C10orf62: variants seen among roughly 807,000 people sequenced by gnomAD.
The protein encoded by C10orf62 is chromosome 10 open reading frame 62.
For missense variants in C10orf62, 279 were observed against 281.9 expected (o/e 0.99, Z 0.07); for synonymous variants, 94 against 109.7 (o/e 0.86, Z 0.89).
rs1326783871 is a variant in C10orf62 at position 97,589,762 on chromosome 10, C to T, written c.-136C>T. On this transcript the variant is annotated 5_prime_UTR_variant, in exon 1 of 1. Transcript: ENST00000370640. ...CCTGCCCTTTCAAGCATGAATCATA[C>T]CACCAGAGATCACCCAGCGTGCTCT... is the stretch of plus-strand genomic sequence containing the variant. The T allele has an allele frequency of 2.8e-6, 2 of 708,334 alleles. No homozygotes were observed. Among genetic ancestry groups the T allele is most frequent in the East Asian group, 2.5e-5 (1 of 40,420 alleles). 43.9% of individuals were successfully genotyped at this position (708,334 alleles called of 1,614,324 possible). A position where few individuals can be genotyped will look rare whatever the true frequency, so the allele number is the denominator to read the frequency against.
Position 97,590,300 on chromosome 10 carries a change from G to T in C10orf62, c.403G>T (p.Asp135Tyr). 6.2e-7 allele frequency: 1 copy of T among 1,613,790 alleles called. No homozygotes were observed. The highest frequency in any genetic ancestry group is 8.5e-7 in the Non-Finnish European group (1 of 1,179,998). Residue 135 changes from aspartate (D) to tyrosine (Y), a missense_variant, in exon 1 of 1, where the codon GAC becomes TAC. Physicochemically the swap from Asp to Tyr is radical, Grantham distance 160. Transcript: ENST00000370640. The part of the protein sequence containing the change: ...AAVAACTKEI[D>Y]TQGRHLAHSM... ...TGTGGCTGCCTGCACCAAGGAGATT[G>T]ACACCCAGGGGCGGCACCTGGCTCA...
chr10:97,590,747 A>C lies in C10orf62; in HGVS notation c.*178A>C. 1.5e-6 allele frequency: 1 copy of C among 645,780 alleles called. No homozygotes were observed. Among genetic ancestry groups the C allele is most frequent in the Non-Finnish European group, 2.7e-6 (1 of 366,446 alleles). 40.0% of individuals were successfully genotyped at this position (645,780 alleles called of 1,614,324 possible). A position where few individuals can be genotyped will look rare whatever the true frequency, so the allele number is the denominator to read the frequency against. On this transcript the variant is annotated 3_prime_UTR_variant, in exon 1 of 1. Coordinates refer to ENST00000370640, the MANE Select transcript of C10orf62 (RefSeq NM_001009997.3). ...CCTCACGGGGATTATGGGCTCTTTA[A>C]ACTCCATGAGTGGGGTCTGCCACAG...
rs758692283 is a variant in C10orf62, at chr10:97,590,326, C to A, written c.429C>A (p.His143Gln). 3 of 1,613,964 alleles carry A rather than the reference C, an allele frequency of 1.9e-6. No individual in the cohort carries two copies. The South Asian group carries it at 3.3e-5, about 18-fold the overall frequency. ...ACACCCAGGGGCGGCACCTGGCTCACTCCATGCTGCAGCGGGCCATAGCTT... is the reference window on the plus strand; with the variant it reads ...ACACCCAGGGGCGGCACCTGGCTCAATCCATGCTGCAGCGGGCCATAGCTT... Reference protein sequence around the residue: ...EIDTQGRHLAHSMLQRAIAYQ... With the variant: ...EIDTQGRHLAQSMLQRAIAYQ... The change falls in exon 1 of 1, where the codon CAC (histidine) becomes CAA (glutamine). Residue 143 changes from histidine to glutamine, a missense_variant. Physicochemically the swap from His to Gln is conservative, Grantham distance 24. Transcript: ENST00000370640.
Position 97,590,243 on chromosome 10 carries a change from G to T in C10orf62, c.346G>T (p.Ala116Ser), listed in dbSNP as rs368370225. The T allele has an allele frequency of 1.3e-4, 204 of 1,613,672 alleles. No individual in the cohort carries two copies. The highest frequency in any genetic ancestry group is 1.6e-4 in the Non-Finnish European group (193 of 1,180,018). The change falls in exon 1 of 1, where the codon GCC (alanine) becomes TCC (serine). Residue 116 changes from alanine (A) to serine (S), a missense_variant. Transcript: ENST00000370640. ...IQEIHQESGK[A>S]PSTDEATWAA... ...AGAGATCCACCAGGAGTCTGGAAAA[G>T]CCCCATCCACTGATGAGGCCACGTG... is the stretch of plus-strand genomic sequence containing the variant.
Position 97,589,775 on chromosome 10 carries a change from C to T in C10orf62, c.-123C>T, listed in dbSNP as rs2135714636. On this transcript the variant is annotated 5_prime_UTR_variant, in exon 1 of 1. Coordinates refer to ENST00000370640, the MANE Select transcript of C10orf62 (RefSeq NM_001009997.3). ...GCATGAATCATACCACCAGAGATCA[C>T]CCAGCGTGCTCTTAGCTCTGCCTGC... 3 of 734,448 alleles carry T rather than the reference C, an allele frequency of 4.1e-6. No individual in the cohort carries two copies. The highest frequency in any genetic ancestry group is 2.5e-5 in the East Asian group (1 of 40,644). The allele number at this position is 734,448 out of a possible 1,614,324, so 45.5% of individuals were successfully genotyped here.
Position 97,590,562 on chromosome 10 carries a change from G to A in C10orf62, c.665G>A (p.Arg222Lys), listed in dbSNP as rs1046645098. Residue 222 changes from arginine (R) to lysine (K), a missense_variant, in exon 1 of 1, where the codon AGA becomes AAA. Transcript: ENST00000370640. The stretch of plus-strand genomic sequence containing the variant: ...CAGAGCCACAGCCTGCCTAATCGCA[G>A]ACACTAGATCTGTGACTTCTTGGAA... Reference protein sequence around the residue: ...SHQSHSLPNRRH With the variant: ...SHQSHSLPNRKH 6.2e-6 allele frequency: 10 copies of A among 1,611,204 alleles called. No homozygotes were observed. In the African/African-American group the frequency reaches 1.3e-4, roughly 22 times the overall value.
chr10:97,589,872 C>A lies in C10orf62; in HGVS notation c.-26C>A, dbSNP rs777038816. 6.3e-7 allele frequency: 1 copy of A among 1,585,070 alleles called. No individual in the cohort carries two copies. The highest frequency in any genetic ancestry group is 1.1e-5 in the South Asian group (1 of 88,894). ...TCATGCAAGGTGGTGCTGGGGACTG[C>A]CCTCTTGCTAGGAGGTGGAGGTCTC... On this transcript the variant is annotated 5_prime_UTR_variant, in exon 1 of 1. It introduces an in-frame stop codon into an upstream open reading frame of the 5' UTR. Transcript: ENST00000370640.
chr10:97,590,314 G>A lies in C10orf62; in HGVS notation c.417G>A (p.Arg139=), dbSNP rs2041009755. ...ACTKEIDTQG[R]HLAHSMLQRA... ...CCAAGGAGATTGACACCCAGGGGCG[G>A]CACCTGGCTCACTCCATGCTGCAGC... Residue 139 remains arginine, a synonymous_variant, in exon 1 of 1, where the codon CGG becomes CGA. Transcript: ENST00000370640. The A allele has an allele frequency of 6.2e-7, 1 of 1,613,690 alleles. No individual in the cohort carries two copies. Among genetic ancestry groups the A allele is most frequent in the Non-Finnish European group, 8.5e-7 (1 of 1,180,022 alleles).
Position 97,590,577 on chromosome 10 carries a change from A to G in C10orf62, c.*8A>G. The G allele has an allele frequency of 6.2e-7, 1 of 1,605,292 alleles. No homozygotes were observed. Among genetic ancestry groups the G allele is most frequent in the Non-Finnish European group, 8.5e-7 (1 of 1,175,162 alleles). On this transcript the variant is annotated 3_prime_UTR_variant, in exon 1 of 1. Coordinates refer to ENST00000370640, the MANE Select transcript of C10orf62 (RefSeq NM_001009997.3). ...CCTAATCGCAGACACTAGATCTGTG[A>G]CTTCTTGGAAGCCACCTAACCATGG...
In C10orf62 at chr10:97,590,816, G is replaced by GCTGT; in HGVS notation, c.*247_*248insCTGT. The GCTGT allele has an allele frequency of 1.7e-6, 1 of 586,958 alleles. No individual in the cohort carries two copies. Among genetic ancestry groups the GCTGT allele is most frequent in the South Asian group, 2.2e-5 (1 of 45,358 alleles). The allele number at this position is 586,958 out of a possible 1,614,324, so 36.4% of individuals were successfully genotyped here. A position where few individuals can be genotyped will look rare whatever the true frequency, so the allele number is the denominator to read the frequency against. On this transcript the variant is annotated 3_prime_UTR_variant, in exon 1 of 1. Transcript: ENST00000370640. ...GGGAGAGCTGGGAGGACACAGCGCA[G>GCTGT]GTGAGATAGACCCTGAGGCCCCTGA...
Sources: allele counts gnomAD v4.1 joint callset, GRCh38; gene constraint gnomAD v4.1.1; transcripts MANE v1.5; gene names NCBI Gene and HGNC (gene_info 2026-07-23, HGNC 2026-07-21).